The following ZNF318 variants were observed in gnomAD, a reference collection of about 807,000 sequenced individuals.
ZNF318 encodes the protein zinc finger protein 318.
In ZNF318, 51 loss-of-function variants were observed where a neutral mutation model predicts 124.2. The observed-to-expected ratio is 0.41, with a 90% confidence interval of 0.33 to 0.52. ZNF318 has a LOEUF of 0.52. Ranked by LOEUF, ZNF318 falls within the 20% of genes least tolerant of loss-of-function variation. The pLI, the probability that ZNF318 is intolerant of heterozygous loss-of-function variation, is 0.23. For missense variants in ZNF318, 2,815 were observed against 2,811.2 expected (o/e 1.00, Z -0.03); for synonymous variants, 1,090 against 1,040.7 (o/e 1.05, Z -0.91).
intron 2 of ZNF318, among the ~76,000 whole-genome samples, chr6:43,361,119 T>C (rs1779676494): frequency 6.6e-6 from 1 of 152,218 alleles, no homozygotes. Flanking sequence ...AATGTATACA[T>C]ATTTTAAAAG....
intron 1 of ZNF318, among the ~76,000 whole-genome samples, chr6:43,366,579 T>C (rs1779764095): frequency 6.6e-6 from 1 of 152,134 alleles, no homozygotes; most frequent in Non-Finnish European, 1.5e-5. Context: ...GGAGAATCAC[T>C]TGAGGCCAGG....
rs149350335 is a variant in ZNF318 at position 43,339,501 on chromosome 6, C to T, written c.4497G>A (p.Val1499=). ...GFVGPNILNP[V]LPVAIMASAQ... Reference sequence around the variant, plus strand: ...CTGAGGCCATGATGGCTACAGGCAACACTGGGTTCAAAATGTTAGGACCCA... The same window carrying T: ...CTGAGGCCATGATGGCTACAGGCAATACTGGGTTCAAAATGTTAGGACCCA... The change falls in exon 10 of 10, where the codon GTG becomes GTA. Residue 1499 remains valine (V), a synonymous_variant. Coordinates refer to ENST00000361428, the MANE Select transcript of ZNF318 (RefSeq NM_014345.3). This position sits in a 1 kb window ranked among gnomAD's most constrained non-coding sequence, Gnocchi z 4.2. 2.7e-5 allele frequency: 43 copies of T among 1,614,156 alleles called. No homozygotes were observed. In the African/African-American group the frequency reaches 5.2e-4, roughly 20 times the overall value.
chr6:43,338,364 G>A lies in ZNF318; in HGVS notation c.5634C>T (p.Leu1878=). The A allele has an allele frequency of 6.2e-7, 1 of 1,614,164 alleles. No individual in the cohort carries two copies. The highest frequency in any genetic ancestry group is 8.5e-7 in the Non-Finnish European group (1 of 1,180,014). The part of the protein sequence containing the change: ...DSFLSEARSL[L]NPQDTPVKIS... ...TTTTCACAGGTGTATCTTGTGGGTTGAGTAAAGACCTAGCTTCTGATAAAA... is the reference window on the plus strand; with the variant it reads ...TTTTCACAGGTGTATCTTGTGGGTTAAGTAAAGACCTAGCTTCTGATAAAA... The change falls in exon 10 of 10, where the codon CTC becomes CTT. Residue 1878 remains leucine (L), a synonymous_variant. Transcript: ENST00000361428.
At chr6:43,361,228 G>A (rs994669317) in intron 2 of ZNF318, among the ~76,000 whole-genome samples, 3 of 151,942 alleles carry the variant, frequency 2.0e-5, no homozygotes, top group Non-Finnish European at 4.4e-5. Flanking sequence ...AAATCAGAGG[G>A]AAAAAAATCC....
At position 43,354,724 on chromosome 6, in the gene ZNF318, G is replaced by T; in HGVS notation, c.2610C>A (p.Leu870=). Residue 870 remains leucine (L), a synonymous_variant, in exon 4 of 10, where the codon CTC becomes CTA. Coordinates refer to ENST00000361428, the MANE Select transcript of ZNF318 (RefSeq NM_014345.3). ...AGATCTTCTCTGGATTATATCTTAT[G>T]AGTGATGGAATGGACACCTGGACAG... The part of the protein sequence containing the change: ...QVPVQVSIPS[L]IRYNPEKISD... The T allele has an allele frequency of 6.2e-7, 1 of 1,613,990 alleles. No homozygotes were observed. The highest frequency in any genetic ancestry group is 8.5e-7 in the Non-Finnish European group (1 of 1,180,004).
At position 43,338,448 on chromosome 6, in the gene ZNF318, T is replaced by C. The variant is rs1358604813; in HGVS notation, c.5550A>G (p.Lys1850=). ...CCTGTGGACTCAATTTGATCACTAC[T>C]TTACTTGGAGTTTCACTTCCTGTCA... is the stretch of plus-strand genomic sequence containing the variant. ...KLMTGSETPS[K]VVIKLSPQAC... is the part of the protein sequence containing the mutation. The change falls in exon 10 of 10, where the codon AAA becomes AAG. Residue 1850 remains lysine (K), a synonymous_variant. Coordinates refer to ENST00000361428, the MANE Select transcript of ZNF318 (RefSeq NM_014345.3). 6.2e-7 allele frequency: 1 copy of C among 1,614,236 alleles called. No homozygotes were observed.
chr6:43,339,160 G>A lies in ZNF318; in HGVS notation c.4838C>T (p.Ser1613Phe). The A allele has an allele frequency of 6.2e-7, 1 of 1,614,206 alleles. No individual in the cohort carries two copies. Among genetic ancestry groups the A allele is most frequent in the East Asian group, 2.2e-5 (1 of 44,892 alleles). The change falls in exon 10 of 10, where the codon TCT (serine) becomes TTT (phenylalanine). Residue 1613 changes from serine (S) to phenylalanine (F), a missense_variant. Transcript: ENST00000361428. This position sits in a 1 kb window ranked among gnomAD's most constrained non-coding sequence, Gnocchi z 4.2. ...ACTGCTGTTCAAAGGAGAAGTAGAA[G>A]AGGTGTCTGAACTTTTGGTTCTAGA... ...NLSRTKSSDT[S>F]STSPLNSSAS...
chr6:43,341,582 G>A (rs1047439138), intron 8 of ZNF318, among the ~76,000 whole-genome samples: 50 of 151,520 alleles, frequency 3.3e-4, no homozygotes, highest in African/African-American at 1.2e-3. Flanking sequence ...CCCGGGAGGC[G>A]GGGCTTGCAG....
At chr6:43,359,943 T>A (rs41362446) in intron 2 of ZNF318, among the ~76,000 whole-genome samples, 1 of 152,208 alleles carries the variant, frequency 6.6e-6, no homozygotes, top group Non-Finnish European at 1.5e-5. Flanking sequence ...TTTTTCTCTA[T>A]AGGTCTGTCA....
At chr6:43,343,533 T>G (rs569289432) in intron 6 of ZNF318, among the ~76,000 whole-genome samples, 1 of 152,100 alleles carries the variant, frequency 6.6e-6, no homozygotes, top group Non-Finnish European at 1.5e-5. Flanking sequence ...CTTTTAGAAT[T>G]TAACAACTTT....
chr6:43,338,381 C>T lies in ZNF318; in HGVS notation c.5617G>A (p.Glu1873Lys), dbSNP rs1779320166. 1.9e-6 allele frequency: 3 copies of T among 1,614,186 alleles called. No homozygotes were observed. Among genetic ancestry groups the T allele is most frequent in the Non-Finnish European group, 2.5e-6 (3 of 1,180,046 alleles). ...TGTGGGTTGAGTAAAGACCTAGCTT[C>T]TGATAAAAATGAGTCTAATTTTGCC... ...TKAKLDSFLS[E>K]ARSLLNPQDT... The change falls in exon 10 of 10, where the codon GAA becomes AAA. Residue 1873 changes from glutamate (E) to lysine (K), a missense_variant. By Grantham distance (56) the Glu-to-Lys change is moderately conservative. Coordinates refer to ENST00000361428, the MANE Select transcript of ZNF318 (RefSeq NM_014345.3).
Position 43,339,630 on chromosome 6 carries a change from G to GGGGGGTGGT in ZNF318, c.4359_4367dup (p.Pro1454_Pro1456dup), listed in dbSNP as rs1340854593. The GGGGGGTGGT allele has an allele frequency of 6.2e-7, 1 of 1,612,832 alleles. No individual in the cohort carries two copies. The highest frequency in any genetic ancestry group is 8.5e-7 in the Non-Finnish European group (1 of 1,179,668). On this transcript the variant is annotated inframe_insertion, in exon 10 of 10. Coordinates refer to ENST00000361428, the MANE Select transcript of ZNF318 (RefSeq NM_014345.3). The surrounding 1 kb of genome is among the most constrained non-coding windows in gnomAD (Gnocchi z 4.2). ...ACGGGGCAGCTGGATGAGGTATAACGGGGGGTGGTGGAGGTGGTGGAGGTG... is the reference window on the plus strand; with the variant it reads ...ACGGGGCAGCTGGATGAGGTATAACGGGGGGTGGTGGGGGTGGTGGAGGTGGTGGAGGTG...
Position 43,362,706 on chromosome 6 carries a change from G to A in ZNF318, c.548+2586C>T, listed in dbSNP as rs560656340. Among the ~76,000 whole-genome samples the A allele has an allele frequency of 9.9e-4, 151 of 151,994 alleles. 8 individuals are homozygous for A. The South Asian group carries it at 0.03, about 30-fold the overall frequency. On this transcript the variant is annotated intron_variant, in intron 2 of 9. Coordinates refer to ENST00000361428, the MANE Select transcript of ZNF318 (RefSeq NM_014345.3). ...TTTGGTAGAGACAGGATCTCATCAT[G>A]TTGGCCAGGATGGTCTCGAACTCCT...
Position 43,337,691 on chromosome 6 carries a change from TAGG to T in ZNF318, c.6304_6306del (p.Pro2102del), listed in dbSNP as rs754729740. ...TCTGTAAGTCCAGTTTTCAAAATGT[TAGG>T]AGAAGGGATCCTAACACTCCTGGGA... On this transcript the variant is annotated inframe_deletion, in exon 10 of 10. Transcript: ENST00000361428. The T allele has an allele frequency of 2.9e-5, 47 of 1,614,082 alleles. No individual in the cohort carries two copies. Among genetic ancestry groups the T allele is most frequent in the Non-Finnish European group, 3.6e-5 (42 of 1,180,036 alleles).
chr6:43,338,347 G>A lies in ZNF318; in HGVS notation c.5651C>T (p.Pro1884Leu). 1 of 1,614,164 alleles carries A rather than the reference G, an allele frequency of 6.2e-7. No individual in the cohort carries two copies. The highest frequency in any genetic ancestry group is 8.5e-7 in the Non-Finnish European group (1 of 1,180,022). Reference sequence around the variant, plus strand: ...CAACTCTGGGGCAGAAATTTTCACAGGTGTATCTTGTGGGTTGAGTAAAGA... The same window carrying A: ...CAACTCTGGGGCAGAAATTTTCACAAGTGTATCTTGTGGGTTGAGTAAAGA... ...ARSLLNPQDT[P>L]VKISAPELLL... The change falls in exon 10 of 10, where the codon CCT (proline) becomes CTT (leucine). Residue 1884 changes from proline to leucine, a missense_variant. Transcript: ENST00000361428.
chr6:43,337,497 A>G lies in ZNF318; in HGVS notation c.6501T>C (p.Pro2167=), dbSNP rs1248174498. 7 of 1,614,038 alleles carry G rather than the reference A, an allele frequency of 4.3e-6. No individual in the cohort carries two copies. The highest frequency in any genetic ancestry group is 5.9e-6 in the Non-Finnish European group (7 of 1,179,998). Residue 2167 remains proline (P), a synonymous_variant, in exon 10 of 10, where the codon CCT becomes CCC. Transcript: ENST00000361428. Reference sequence around the variant, plus strand: ...CAAAGTCAACAAGGTCTGGAAGGCAAGGAGATGGCCCAAGGCCTGCAGAAT... The same window carrying G: ...CAAAGTCAACAAGGTCTGGAAGGCAGGGAGATGGCCCAAGGCCTGCAGAAT... The part of the protein sequence containing the change: ...TINSAGLGPS[P]CLPDLVDFVT...
intron 2 of ZNF318, among the ~76,000 whole-genome samples, chr6:43,362,578 G>A (rs1182258142): frequency 8.2e-6 from 1 of 122,010 alleles, no homozygotes; most frequent in Non-Finnish European, 1.6e-5. Context: ...GCACAATCTG[G>A]GCTCACTGCA....
chr6:43,369,308 C>T lies in ZNF318; in HGVS notation c.58G>A (p.Gly20Arg). ...CTGCGGCCGCTGCGCGGGCCGCCCC[C>T]GCCGTCGTCTTTAGGCCGGTGGGAA... ...VSSHRPKDDG[G>R]GGPRSGRSSG... The change falls in exon 1 of 10, where the codon GGG becomes AGG. Residue 20 changes from glycine (G) to arginine (R), a missense_variant. Coordinates refer to ENST00000361428, the MANE Select transcript of ZNF318 (RefSeq NM_014345.3). The T allele has an allele frequency of 1.7e-5, 23 of 1,347,474 alleles. No individual in the cohort carries two copies. Among genetic ancestry groups the T allele is most frequent in the Non-Finnish European group, 2.2e-5 (23 of 1,042,504 alleles). 83.5% of individuals were successfully genotyped at this position (1,347,474 alleles called of 1,614,324 possible).
chr6:43,340,484 G>A lies in ZNF318; in HGVS notation c.3514C>T (p.Pro1172Ser), dbSNP rs778511837. 3 of 1,592,822 alleles carry A rather than the reference G, an allele frequency of 1.9e-6. No individual in the cohort carries two copies. Among genetic ancestry groups the A allele is most frequent in the Non-Finnish European group, 2.6e-6 (3 of 1,173,516 alleles). The change falls in exon 10 of 10, where the codon CCA (proline) becomes TCA (serine). Residue 1172 changes from proline (P) to serine (S), a missense_variant. Around this residue, in one of 4 missense-constraint regions of ZNF318, gnomAD observed 500 missense variants for 605.2 expected, o/e 0.83. Coordinates refer to ENST00000361428, the MANE Select transcript of ZNF318 (RefSeq NM_014345.3). The part of the protein sequence containing the change: ...EKYKKYVDEN[P>S]LYEERRNLDR... ...AGATTCCGCCGCTCCTCATATAATGGGTTTTCATCCACATATTTCTGGGAA... is the reference window on the plus strand; with the variant it reads ...AGATTCCGCCGCTCCTCATATAATGAGTTTTCATCCACATATTTCTGGGAA...
Sources: allele counts gnomAD v4.1 joint callset (sites outside exome capture counted in the v4.1 genomes callset), GRCh38; gene constraint gnomAD v4.1.1; regional missense constraint gnomAD v4.1.1; non-coding constraint Gnocchi (gnomAD v3.1); transcripts MANE v1.5; gene names NCBI Gene and HGNC (gene_info 2026-07-23, HGNC 2026-07-21).